Variants in PID1 observed in about 807,000 individuals in gnomAD.
The protein encoded by PID1 is phosphotyrosine interaction domain containing 1.
In PID1, 10 loss-of-function variants were observed where a neutral mutation model predicts 19.1. The observed-to-expected ratio is 0.52, with a 90% confidence interval of 0.32 to 0.89. The LOEUF is 0.89. Among genes scored for constraint, PID1 ranks in the 40% least tolerant of loss-of-function variants. PID1 has a pLI of 0.03. For missense variants in PID1, 248 were observed against 285.3 expected (o/e 0.87, Z 0.94); for synonymous variants, 130 against 116.0 (o/e 1.12, Z -0.78).
At position 229,271,127 on chromosome 2, in the gene PID1, C is replaced by A. The variant is rs923919396; in HGVS notation, c.-84G>T. The A allele has an allele frequency of 6.9e-7, 1 of 1,445,864 alleles. No homozygotes were observed. Among genetic ancestry groups the A allele is most frequent in the Admixed American group, 2.1e-5 (1 of 47,592 alleles). 89.6% of individuals were successfully genotyped at this position (1,445,864 alleles called of 1,614,324 possible). A position where few individuals can be genotyped will look rare whatever the true frequency, so the allele number is the denominator to read the frequency against. On this transcript the variant is annotated 5_prime_UTR_variant, in exon 1 of 3. An upstream start codon of the reference 5' UTR is lost. Coordinates refer to ENST00000392055, the MANE Select transcript of PID1 (RefSeq NM_001100818.2). ...GGCGAGGGGCTGGGGTCCCGCTTTA[C>A]ATCTGGGGTCGGTGTCCGCGGGATG... is the stretch of plus-strand genomic sequence containing the variant.
At chr2:229,114,119 C>CTCTCTCTCTT (rs1695358992) in intron 2 of PID1, among the ~76,000 whole-genome samples, 3 of 137,492 alleles carry the variant, frequency 2.2e-5, no homozygotes, top group Admixed American at 7.0e-5. Flanking sequence ...CTCTTTCTCT[C>CTCTCTCTCTT]TCTCTCTCTC....
chr2:229,070,575 G>T (rs768685739), intron 2 of PID1, among the ~76,000 whole-genome samples: 1 of 152,226 alleles, frequency 6.6e-6, no homozygotes, highest in Non-Finnish European at 1.5e-5. Context: ...GAAGATGGAC[G>T]TCCACCCAAA....
intron 1 of PID1, chr2:229,236,534 C>G (rs1696952993): frequency 6.6e-6 from 1 of 152,094 alleles, no homozygotes; most frequent in Non-Finnish European, 1.5e-5. Flanking sequence ...GCAGCCCAGT[C>G]TGGACAGTCA....
intron 1 of PID1, among the ~76,000 whole-genome samples, chr2:229,194,986 TTTTC>T (rs1361590582): frequency 1.3e-5 from 2 of 151,910 alleles, no homozygotes; most frequent in Non-Finnish European, 2.9e-5. Context: ...TTTGCGGATT[TTTTC>T]TTTGTTTTTA....
chr2:229,188,574 C>T (rs892768304), intron 1 of PID1, among the ~76,000 whole-genome samples: 2 of 151,910 alleles, frequency 1.3e-5, no homozygotes, highest in Non-Finnish European at 2.9e-5. Context: ...CCTGTCTCTA[C>T]TAAAAATACA....
chr2:229,148,437 C>T (rs2021751), intron 2 of PID1, among the ~76,000 whole-genome samples: 26,730 of 152,136 alleles, frequency 0.18, 2,669 homozygotes, highest in Non-Finnish European at 0.23. Context: ...TCCACTGGAA[C>T]AAGGAGGTTA....
intron 1 of PID1, among the ~76,000 whole-genome samples, chr2:229,216,876 T>C (rs760164063): frequency 4.0e-4 from 60 of 149,804 alleles, no homozygotes; most frequent in Non-Finnish European, 7.3e-4. Flanking sequence ...TCATTTTATA[T>C]ATACATATAT....
In PID1 at chr2:229,207,973, C is replaced by T. The variant is rs529558794; in HGVS notation, c.31-52009G>A. 1.2e-3 allele frequency among the ~76,000 whole-genome samples: 178 copies of T among 152,282 alleles called. 1 individual carries two copies. Among genetic ancestry groups the T allele is most frequent in the South Asian group, 0.011 (53 of 4,824 alleles). On this transcript the variant is annotated intron_variant, in intron 1 of 2. Coordinates refer to ENST00000392055, the MANE Select transcript of PID1 (RefSeq NM_001100818.2). Reference sequence around the variant, plus strand: ...TGACAGCCCTTAGCTGGAGACACTGCTTTCCCTGAATTTATCCTCCATTTT... The same window carrying T: ...TGACAGCCCTTAGCTGGAGACACTGTTTTCCCTGAATTTATCCTCCATTTT...
At chr2:229,142,672 C>T (rs930172630) in intron 2 of PID1, among the ~76,000 whole-genome samples, 5 of 152,098 alleles carry the variant, frequency 3.3e-5, no homozygotes, top group African/African-American at 1.2e-4. Flanking sequence ...GTTAGAATGG[C>T]AATCATTAAA....
intron 1 of PID1, chr2:229,231,929 T>G: frequency 6.4e-7 from 1 of 1,550,414 alleles, no homozygotes; most frequent in Non-Finnish European, 8.7e-7. Context: ...TTCTCACCGT[T>G]CCGGAGGCTA....
intron 1 of PID1, among the ~76,000 whole-genome samples, chr2:229,226,979 T>C (rs1692091633): frequency 6.6e-6 from 1 of 152,124 alleles, no homozygotes; most frequent in South Asian, 2.1e-4. Context: ...AAAAGAGCAA[T>C]CTCCATGCAA....
intron 1 of PID1, among the ~76,000 whole-genome samples, chr2:229,268,654 T>C (rs1324261467): frequency 3.9e-5 from 6 of 152,168 alleles, no homozygotes; most frequent in Non-Finnish European, 8.8e-5. Context: ...TTATAAAGAT[T>C]TGTGAAAGGC....
intron 1 of PID1, among the ~76,000 whole-genome samples, chr2:229,163,545 G>T (rs1457384406): frequency 6.6e-6 from 1 of 151,968 alleles, no homozygotes; most frequent in Admixed American, 6.6e-5. Flanking sequence ...GATTATGTGG[G>T]AGAGGAACCA....
intron 2 of PID1, among the ~76,000 whole-genome samples, chr2:229,081,798 T>C (rs1425945406): frequency 6.6e-6 from 1 of 152,220 alleles, no homozygotes; most frequent in East Asian, 1.9e-4. Flanking sequence ...TTGCAGAATA[T>C]GATGCATGTT....
chr2:229,044,109 T>C (rs1693827276), intron 2 of PID1, among the ~76,000 whole-genome samples: 1 of 152,200 alleles, frequency 6.6e-6, no homozygotes, highest in Non-Finnish European at 1.5e-5. Flanking sequence ...AATGTCTCTT[T>C]ATGATGAATG....
rs138383853 is a variant in PID1 at position 229,177,220 on chromosome 2, A to AATTCAAG, written c.31-21263_31-21257dup. ...AACACGTGGGAATGGTAGGAGTTAC[A>AATTCAAG]ATTCAAGATGAGATTTGAGTAGGGA... On this transcript the variant is annotated intron_variant, in intron 1 of 2. Coordinates refer to ENST00000392055, the MANE Select transcript of PID1 (RefSeq NM_001100818.2). Among the ~76,000 whole-genome samples the AATTCAAG allele has an allele frequency of 3.3e-5, 5 of 152,272 alleles. No homozygotes were observed. The East Asian group carries it at 7.8e-4, about 24-fold the overall frequency.
At chr2:229,139,541 G>T (rs1275238889) in intron 2 of PID1, among the ~76,000 whole-genome samples, 1 of 151,962 alleles carries the variant, frequency 6.6e-6, no homozygotes, top group Non-Finnish European at 1.5e-5. Flanking sequence ...AACAAACAAC[G>T]AACAAAAAAG....
intron 1 of PID1, among the ~76,000 whole-genome samples, chr2:229,204,057 G>A (rs61443510): frequency 0.018 from 2,742 of 152,062 alleles, 87 homozygotes; most frequent in African/African-American, 0.063. Context: ...CTGAAAATTT[G>A]GCAAACTAAA....
intron 1 of PID1, among the ~76,000 whole-genome samples, chr2:229,207,295 A>G (rs757439578): frequency 1.3e-5 from 2 of 151,952 alleles, no homozygotes; most frequent in Non-Finnish European, 2.9e-5. Flanking sequence ...CTTCCATAAA[A>G]TAAAACCATG....
Sources: allele counts gnomAD v4.1 joint callset (sites outside exome capture counted in the v4.1 genomes callset), GRCh38; gene constraint gnomAD v4.1.1; transcripts MANE v1.5; gene names NCBI Gene and HGNC (gene_info 2026-07-23, HGNC 2026-07-21).